Variants in CACHD1 observed in about 807,000 individuals in gnomAD.
The protein encoded by CACHD1 is cache domain containing 1, also known as VWFA and cache domain-containing protein 1.
In CACHD1, 71 loss-of-function variants were observed where a neutral mutation model predicts 138.7. That is an observed-to-expected ratio of 0.51 (90% CI 0.42 to 0.62). CACHD1 has a LOEUF of 0.62. Among genes scored for constraint, CACHD1 ranks in the 20% least tolerant of loss-of-function variants. The pLI, the probability that CACHD1 is intolerant of heterozygous loss-of-function variation, is 0.00. For missense variants in CACHD1, 1,389 were observed against 1,625.3 expected (o/e 0.85, Z 2.50); for synonymous variants, 578 against 591.5 (o/e 0.98, Z 0.33).
intron 1 of CACHD1, among the ~76,000 whole-genome samples, chr1:64,534,325 T>C (rs1646615040): frequency 6.6e-6 from 1 of 152,176 alleles, no homozygotes; most frequent in African/African-American, 2.4e-5. Flanking sequence ...ATTACAGGTG[T>C]GAGCCACCGC....
chr1:64,665,962 A>C (rs1353080400), intron 15 of CACHD1, 95 bp from the exon 16 acceptor site: 7 of 612,804 alleles, frequency 1.1e-5, no homozygotes, highest in African/African-American at 1.9e-5. Flanking sequence ...CTGAGATCGC[A>C]CCACTGCACT....
rs551247941 is a variant in CACHD1, at chr1:64,576,645, T to G, written c.262-5511T>G. The stretch of plus-strand genomic sequence containing the variant: ...ACCCCCAGTAGTCAAGAGACTTGTA[T>G]GCTCCATATGCCTCAGTTTCTTCAC... On this transcript the variant is annotated intron_variant, in intron 2 of 26. Transcript: ENST00000651257. Among the ~76,000 whole-genome samples, 14 of 152,326 alleles carry G rather than the reference T, an allele frequency of 9.2e-5. No individual in the cohort carries two copies. In the East Asian group the frequency reaches 2.1e-3, roughly 23 times the overall value.
At chr1:64,645,440 T>C (rs956455098) in intron 8 of CACHD1, among the ~76,000 whole-genome samples, 1 of 152,126 alleles carries the variant, frequency 6.6e-6, no homozygotes, top group African/African-American at 2.4e-5. Context: ...ACATCGCATG[T>C]ACACCATAAA....
At chr1:64,688,973 G>T (rs1392913143) in intron 26 of CACHD1, among the ~76,000 whole-genome samples, 1 of 152,102 alleles carries the variant, frequency 6.6e-6, no homozygotes, top group African/African-American at 2.4e-5. Flanking sequence ...TTCCTTTTGT[G>T]TGCCTCTGTT....
At chr1:64,481,795 CAAA>C in intron 1 of CACHD1, among the ~76,000 whole-genome samples, 1 of 152,062 alleles carries the variant, frequency 6.6e-6, no homozygotes, top group East Asian at 1.9e-4. Context: ...AATCTTAATT[CAAA>C]AAACAAATTG....
chr1:64,576,494 GAAA>G (rs879503347), intron 2 of CACHD1, among the ~76,000 whole-genome samples: 1 of 138,170 alleles, frequency 7.2e-6, no homozygotes, highest in African/African-American at 2.7e-5. Flanking sequence ...TTAGAGGGAA[GAAA>G]AAAAAAAAAA....
At chr1:64,557,642 C>A (rs1015541393) in intron 2 of CACHD1, among the ~76,000 whole-genome samples, 7 of 152,092 alleles carry the variant, frequency 4.6e-5, no homozygotes, top group African/African-American at 1.4e-4. Flanking sequence ...ATTAAACAAA[C>A]AAAAGACCCT....
At chr1:64,659,647 A>G (rs1309892588) in intron 13 of CACHD1, among the ~76,000 whole-genome samples, 1 of 152,202 alleles carries the variant, frequency 6.6e-6, no homozygotes, top group African/African-American at 2.4e-5. Context: ...GATTTGACCC[A>G]TGCACCTCTG....
rs563283293 is a variant in CACHD1 at position 64,673,553 on chromosome 1, C to T, written c.2727+89C>T. On this transcript the variant is annotated intron_variant, in intron 19 of 26. Transcript: ENST00000651257. ...TCATGGCTAGTGTCTGAATATTATT[C>T]CTACCTGTTTCATCGCCTTAGAACT... is the stretch of plus-strand genomic sequence containing the variant. 10 of 1,068,490 alleles carry T rather than the reference C, an allele frequency of 9.4e-6. No individual in the cohort carries two copies. The African/African-American group carries it at 1.1e-4, about 12-fold the overall frequency. The allele number at this position is 1,068,490 out of a possible 1,614,324, so 66.2% of individuals were successfully genotyped here.
chr1:64,560,769 T>C (rs1270070472), intron 2 of CACHD1, among the ~76,000 whole-genome samples: 1 of 152,174 alleles, frequency 6.6e-6, no homozygotes, highest in African/African-American at 2.4e-5. Context: ...ATTTTTATTT[T>C]CTATCATTTG....
At chr1:64,562,576 ATTTT>A (rs56286973) in intron 2 of CACHD1, among the ~76,000 whole-genome samples, 264 of 134,428 alleles carry the variant, frequency 2.0e-3, no homozygotes, top group Admixed American at 2.0e-3. Flanking sequence ...CACCTGGCTA[ATTTT>A]TTTTTTTTTT....
At chr1:64,541,811 G>A (rs1646679432) in intron 1 of CACHD1, among the ~76,000 whole-genome samples, 1 of 152,102 alleles carries the variant, frequency 6.6e-6, no homozygotes, top group Admixed American at 6.6e-5. Context: ...CATCCACCTG[G>A]GTGATAAGAA....
chr1:64,582,377 A>G (rs1052090791), intron 3 of CACHD1, 73 bp downstream of exon 3: 9 of 1,330,138 alleles, frequency 6.8e-6, no homozygotes, highest in Admixed American at 5.6e-5. Flanking sequence ...TTCATATTCA[A>G]AATACCTGTG....
chr1:64,605,084 A>G (rs909967213), intron 4 of CACHD1, among the ~76,000 whole-genome samples: 4 of 150,756 alleles, frequency 2.7e-5, no homozygotes, highest in Admixed American at 1.3e-4. Flanking sequence ...CTCCTGCCTC[A>G]GTCTCCCAAG....
intron 1 of CACHD1, among the ~76,000 whole-genome samples, chr1:64,500,734 AAGAG>A (rs5774705): frequency 0.053 from 1,332 of 25,016 alleles, 10 homozygotes; most frequent in East Asian, 0.26. Context: ...AAAAAAAAAA[AAGAG>A]AGAGAGAGAG....
intron 3 of CACHD1, among the ~76,000 whole-genome samples, chr1:64,585,392 T>C (rs1267385533): frequency 6.6e-6 from 1 of 152,192 alleles, no homozygotes; most frequent in East Asian, 1.9e-4. Context: ...AAGCATAAAA[T>C]GTAGTTTCTG....
intron 1 of CACHD1, among the ~76,000 whole-genome samples, chr1:64,471,306 T>C (rs1411925179): frequency 6.6e-6 from 1 of 152,206 alleles, no homozygotes; most frequent in Non-Finnish European, 1.5e-5. Flanking sequence ...GTTTTCACCC[T>C]GCCACGCCTG....
In CACHD1 at chr1:64,609,903, A is replaced by T. The variant is rs532574326; in HGVS notation, c.517+6991A>T. Among the ~76,000 whole-genome samples the T allele has an allele frequency of 7.4e-4, 112 of 152,260 alleles. 1 individual carries two copies. The highest frequency in any genetic ancestry group is 2.6e-3 in the African/African-American group (109 of 41,544). The stretch of plus-strand genomic sequence containing the variant: ...TGCTAATAATAAAGACATACCTGAG[A>T]CTAGGTAATTTATAAAGGAAAGAGG... On this transcript the variant is annotated intron_variant, in intron 4 of 26. Coordinates refer to ENST00000651257, the MANE Select transcript of CACHD1 (RefSeq NM_020925.4).
At chr1:64,516,060 T>G (rs192720683) in intron 1 of CACHD1, among the ~76,000 whole-genome samples, 12 of 152,338 alleles carry the variant, frequency 7.9e-5, no homozygotes, top group Middle Eastern at 3.4e-3. Flanking sequence ...AAAAAATATT[T>G]GTATATTCAA....
Sources: allele counts gnomAD v4.1 joint callset (sites outside exome capture counted in the v4.1 genomes callset), GRCh38; gene constraint gnomAD v4.1.1; transcripts MANE v1.5; gene names NCBI Gene and HGNC (gene_info 2026-07-23, HGNC 2026-07-21).